Variants in SEMA7A observed in about 807,000 individuals in gnomAD.
SEMA7A encodes semaphorin 7A (JohnMiltonHagen blood group).
SEMA7A carries 21 observed loss-of-function variants against 67.5 expected under a neutral mutation model. The observed-to-expected ratio is 0.31, with a 90% CI of 0.22 to 0.45. The LOEUF is 0.45. Among genes scored for constraint, SEMA7A ranks in the 20% least tolerant of loss-of-function variants. The pLI is 1.00. For synonymous variants in SEMA7A, 364 were observed against 368.5 expected (o/e 0.99, Z 0.14); for missense variants, 774 against 908.6 (o/e 0.85, Z 1.90).
intron 10 of SEMA7A, among the ~76,000 whole-genome samples, chr15:74,412,574 G>C (rs1738275167): frequency 6.6e-6 from 1 of 151,728 alleles, no homozygotes; most frequent in South Asian, 2.1e-4. Context: ...TTTTATTTTG[G>C]AGTAATTTTA....
At chr15:74,422,526 C>T (rs1283859727) in intron 1 of SEMA7A, among the ~76,000 whole-genome samples, 1 of 152,218 alleles carries the variant, frequency 6.6e-6, no homozygotes, top group East Asian at 1.9e-4. Context: ...CACATTCAGG[C>T]TGCCCCGTAC....
intron 1 of SEMA7A, chr15:74,427,228 T>C: frequency 1.0e-6 from 1 of 985,406 alleles, no homozygotes; most frequent in South Asian, 4.7e-5. Context: ...TCATCTGGCC[T>C]ATGGGGCCCT....
Position 74,414,929 on chromosome 15 carries a change from C to A in SEMA7A, c.1004G>T (p.Cys335Phe). The A allele has an allele frequency of 6.2e-7, 1 of 1,614,134 alleles. No individual in the cohort carries two copies. The highest frequency in any genetic ancestry group is 1.3e-5 in the African/African-American group (1 of 75,022). Residue 335 changes from cysteine to phenylalanine, a missense_variant, in exon 9 of 14, where the codon TGT (cysteine) becomes TTT (phenylalanine). Physicochemically the swap from Cys to Phe is radical, Grantham distance 205 (BLOSUM62 -2). Around this residue, in one of 2 missense-constraint regions of SEMA7A, gnomAD observed 427 missense variants for 555.4 expected, o/e 0.77. Transcript: ENST00000261918. The surrounding 1 kb of genome is among the most constrained non-coding windows in gnomAD (Gnocchi z 4.1). The part of the protein sequence containing the change: ...FSNPWNYSAV[C>F]VYSLGDIDKV... ...GTCAATGTCACCGAGGGAATACACA[C>A]AGACGGCTGAGTAGTTCCTGCAGTG... is the stretch of plus-strand genomic sequence containing the variant.
At chr15:74,421,208 C>T (rs1376016146) in intron 1 of SEMA7A, among the ~76,000 whole-genome samples, 1 of 152,166 alleles carries the variant, frequency 6.6e-6, no homozygotes, top group African/African-American at 2.4e-5. Flanking sequence ...GGAGGTCTGG[C>T]CCTACCCTGG....
chr15:74,413,143 T>C (rs1053898053), intron 10 of SEMA7A, among the ~76,000 whole-genome samples: 1 of 151,724 alleles, frequency 6.6e-6, no homozygotes, highest in Non-Finnish European at 1.5e-5. Context: ...GACTCTGAGA[T>C]GTGGCCAGAT....
chr15:74,414,763 G>A lies in SEMA7A; in HGVS notation c.1096-18C>T, dbSNP rs374548432. The A allele has an allele frequency of 4.2e-5, 68 of 1,613,986 alleles. No homozygotes were observed. The highest frequency in any genetic ancestry group is 5.3e-5 in the Non-Finnish European group (63 of 1,180,022). On this transcript the variant is annotated intron_variant, in intron 9 of 13. Coordinates refer to ENST00000261918, the MANE Select transcript of SEMA7A (RefSeq NM_003612.5). The surrounding 1 kb of genome is among the most constrained non-coding windows in gnomAD (Gnocchi z 4.1). Reference sequence around the variant, plus strand: ...GGGAGGCACTGGGCAAGGAGAGCAGGCCCAGGTCAGTGGGGTGGTGGGAGG... The same window carrying A: ...GGGAGGCACTGGGCAAGGAGAGCAGACCCAGGTCAGTGGGGTGGTGGGAGG...
At position 74,414,609 on chromosome 15, in the gene SEMA7A, A is replaced by G; in HGVS notation, c.1232T>C (p.Val411Ala). The G allele has an allele frequency of 6.2e-7, 1 of 1,614,162 alleles. No individual in the cohort carries two copies. The highest frequency in any genetic ancestry group is 8.5e-7 in the Non-Finnish European group (1 of 1,180,032). The change falls in exon 10 of 14, where the codon GTG becomes GCG. Residue 411 changes from valine (V) to alanine (A), a missense_variant. Val to Ala is a moderately conservative substitution (Grantham distance 64, BLOSUM62 0). This residue lies in a region of SEMA7A where 427 missense variants were observed against 555.4 expected (regional missense o/e 0.77). Transcript: ENST00000261918. The surrounding 1 kb of genome is among the most constrained non-coding windows in gnomAD (Gnocchi z 4.1). ...GCTGGCTTGCATGCGGTGGACGGCC[A>G]CTTTCTGGTAGTGGTATTTAGAGTG... ...LFHSKYHYQK[V>A]AVHRMQASHG...
At chr15:74,413,615 A>C (rs1479493143) in intron 10 of SEMA7A, among the ~76,000 whole-genome samples, 2 of 152,206 alleles carry the variant, frequency 1.3e-5, no homozygotes, top group African/African-American at 4.8e-5. Context: ...ATGGGGGCCC[A>C]AGGGTGTAGC....
At position 74,416,184 on chromosome 15, in the gene SEMA7A, C is replaced by A. The variant is rs78087478; in HGVS notation, c.802-199G>T. Among the ~76,000 whole-genome samples, 602 of 152,224 alleles carry A rather than the reference C, an allele frequency of 4.0e-3. 3 individuals are homozygous for A. The highest frequency in any genetic ancestry group is 0.014 in the African/African-American group (577 of 41,524). On this transcript the variant is annotated intron_variant, in intron 7 of 13. Transcript: ENST00000261918. ...ACTCCAGCAAGCAGGCCTGGCTGAT[C>A]CAGAGCCCAGGGCCAGCAGTGCCCA... is the stretch of plus-strand genomic sequence containing the variant.
chr15:74,411,188 C>T lies in SEMA7A; in HGVS notation c.1639+107G>A, dbSNP rs2060896611. 2.2e-6 allele frequency: 3 copies of T among 1,379,240 alleles called. No homozygotes were observed. Among genetic ancestry groups the T allele is most frequent in the Non-Finnish European group, 3.0e-6 (3 of 1,007,004 alleles). 85.4% of individuals were successfully genotyped at this position (1,379,240 alleles called of 1,614,324 possible). On this transcript the variant is annotated intron_variant, in intron 13 of 13. Transcript: ENST00000261918. This position sits in a 1 kb window ranked among gnomAD's most constrained non-coding sequence, Gnocchi z 4.4. ...GCAGGACTGTATCCTGCCCCATGTA[C>T]CTGGGGCCCACAGGACAAGGCCATG...
At chr15:74,424,910 A>G (rs529003195) in intron 1 of SEMA7A, among the ~76,000 whole-genome samples, 2 of 152,356 alleles carry the variant, frequency 1.3e-5, no homozygotes, top group East Asian at 3.9e-4. Flanking sequence ...GACAAAGGGT[A>G]GCGGTGCAGG....
intron 1 of SEMA7A, among the ~76,000 whole-genome samples, chr15:74,431,416 A>G (rs142518100): frequency 6.6e-6 from 1 of 152,166 alleles, no homozygotes; most frequent in Non-Finnish European, 1.5e-5. Context: ...TCCCTGCTTT[A>G]ATCTTTCTCT....
intron 7 of SEMA7A, 136 bp from the exon 8 acceptor site, chr15:74,416,121 G>A (rs964587658): frequency 1.9e-5 from 17 of 884,516 alleles, no homozygotes; most frequent in South Asian, 5.0e-5. Flanking sequence ...AGGACCTGCC[G>A]GGGGTGCCCC....
Position 74,416,668 on chromosome 15 carries a change from G to C in SEMA7A, c.708C>G (p.Tyr236Ter), listed in dbSNP as rs144656616. ...KATIVHQDQA[Y>*]DDKIYYFFRE... ...GGAAGAAGTAGTAGATCTTGTCATCGTAAGCCTGGTCTTGGTGCACGATGG... is the reference window on the plus strand; with the variant it reads ...GGAAGAAGTAGTAGATCTTGTCATCCTAAGCCTGGTCTTGGTGCACGATGG... The change falls in exon 7 of 14, where the codon TAC becomes TAG. Residue 236 changes from tyrosine (Y) to a stop codon, truncating the protein, a stop_gained. Transcript: ENST00000261918. LOFTEE classifies it high-confidence loss of function. The C allele has an allele frequency of 6.2e-7, 1 of 1,613,974 alleles. No individual in the cohort carries two copies. The highest frequency in any genetic ancestry group is 2.2e-5 in the East Asian group (1 of 44,902).
chr15:74,413,055 A>T (rs931062371), intron 10 of SEMA7A, among the ~76,000 whole-genome samples: 2 of 152,134 alleles, frequency 1.3e-5, no homozygotes, highest in African/African-American at 4.8e-5. Context: ...TTCCCAGGGC[A>T]TCACCTGCCC....
rs1567071734 is a variant in SEMA7A, at chr15:74,414,962, G to A, written c.987-16C>T. 1 of 1,608,622 alleles carries A rather than the reference G, an allele frequency of 6.2e-7. No individual in the cohort carries two copies. The highest frequency in any genetic ancestry group is 1.7e-5 in the Admixed American group (1 of 59,912). On this transcript the variant is annotated splice_polypyrimidine_tract_variant and intron_variant, in intron 8 of 13. Transcript: ENST00000261918. The surrounding 1 kb of genome is among the most constrained non-coding windows in gnomAD (Gnocchi z 4.1). The stretch of plus-strand genomic sequence containing the variant: ...TGAGTAGTTCCTGCAGTGACATGGA[G>A]ACCAGCTCAATGGGGGGCCCAGAAC...
At chr15:74,425,406 A>C (rs1430391216) in intron 1 of SEMA7A, among the ~76,000 whole-genome samples, 7 of 152,206 alleles carry the variant, frequency 4.6e-5, no homozygotes, top group Admixed American at 6.5e-5. Flanking sequence ...GGGGTGGAGC[A>C]GAGGTTCATA....
chr15:74,416,100 T>C (rs937591063), intron 7 of SEMA7A, 115 bp from the exon 8 acceptor site: 14 of 1,127,670 alleles, frequency 1.2e-5, no homozygotes, highest in Non-Finnish European at 1.5e-5. Flanking sequence ...GAAGGCAGGC[T>C]GTGAGGGGCC....
intron 1 of SEMA7A, among the ~76,000 whole-genome samples, chr15:74,426,370 C>A (rs2061043814): frequency 6.6e-6 from 1 of 152,180 alleles, no homozygotes; most frequent in Non-Finnish European, 1.5e-5. Flanking sequence ...ATCCCCCCAC[C>A]CTGCACATGC....
Sources: gnomAD v4.1 joint callset for allele counts (sites outside exome capture counted in the v4.1 genomes callset) on GRCh38, gnomAD v4.1.1 for gene constraint, gnomAD v4.1.1 regional missense constraint, Gnocchi (gnomAD v3.1) non-coding constraint, MANE v1.5 for transcripts, NCBI Gene and HGNC (gene_info 2026-07-23, HGNC 2026-07-21) for gene names.